RC3H2: variants seen among roughly 807,000 people sequenced by gnomAD.
RC3H2 encodes the protein roquin-2.
RC3H2 carries 31 observed loss-of-function variants against 133.3 expected under a neutral mutation model. The observed-to-expected ratio is 0.23, with a 90% CI of 0.17 to 0.31. RC3H2 has a LOEUF of 0.31. Ranked by LOEUF, RC3H2 falls within the 10% of genes least tolerant of loss-of-function variation. The pLI is 1.00. For synonymous variants in RC3H2, 517 were observed against 502.2 expected (o/e 1.03, Z -0.40); for missense variants, 1,175 against 1,437.2 (o/e 0.82, Z 2.95).
chr9:122,902,016 G>C (rs969927580), intron 1 of RC3H2, among the ~76,000 whole-genome samples: 1 of 145,870 alleles, frequency 6.9e-6, no homozygotes, highest in Non-Finnish European at 1.5e-5. Context: ...TGCAACCTCC[G>C]TCTCCCGGGT....
At chr9:122,901,043 C>T (rs561394875) in intron 1 of RC3H2, among the ~76,000 whole-genome samples, 1 of 152,318 alleles carries the variant, frequency 6.6e-6, no homozygotes, top group African/African-American at 2.4e-5. Flanking sequence ...CAGCTAAATA[C>T]TTTCATTTTC....
chr9:122,897,639 G>T, intron 1 of RC3H2, 63 bp from the exon 2 acceptor site: 1 of 1,161,958 alleles, frequency 8.6e-7, no homozygotes, highest in South Asian at 1.7e-5. Flanking sequence ...AGAGTTAATT[G>T]CTTAAGTCAA....
chr9:122,871,512 G>T lies in RC3H2; in HGVS notation c.1326-5855C>A, dbSNP rs142022595. On this transcript the variant is annotated intron_variant, in intron 9 of 20. Transcript: ENST00000357244. ...CGGGGTTTCACCGTGTTAGTGGGGGGGGGGGTTTCATCGTGTTAGCCAGGA... is the reference window on the plus strand; with the variant it reads ...CGGGGTTTCACCGTGTTAGTGGGGGTGGGGGTTTCATCGTGTTAGCCAGGA... Among the ~76,000 whole-genome samples, 855 of 151,184 alleles carry T rather than the reference G, an allele frequency of 5.7e-3. 18 individuals are homozygous for T. The highest frequency in any genetic ancestry group is 0.049 in the East Asian group (251 of 5,132).
At chr9:122,865,727 G>A in intron 9 of RC3H2, 70 bp from the exon 10 acceptor site, 2 of 1,330,796 alleles carry the variant, frequency 1.5e-6, no homozygotes, top group South Asian at 1.3e-5. Context: ...AAATGGCAAT[G>A]GGCAATGGGA....
chr9:122,866,358 C>T (rs954563484), intron 9 of RC3H2, among the ~76,000 whole-genome samples: 13 of 10,314 alleles, frequency 1.3e-3, no homozygotes, highest in Non-Finnish European at 3.6e-3. Flanking sequence ...AAAATGTCTC[C>T]CTCTCCCCCT....
intron 18 of RC3H2, among the ~76,000 whole-genome samples, chr9:122,851,946 G>A (rs1830040417): frequency 6.6e-6 from 1 of 151,898 alleles, no homozygotes; most frequent in African/African-American, 2.4e-5. Context: ...GAGCGTCTCT[G>A]CCTGGCCGCC....
At chr9:122,852,566 C>T (rs1211060067) in intron 18 of RC3H2, among the ~76,000 whole-genome samples, 4 of 148,926 alleles carry the variant, frequency 2.7e-5, no homozygotes, top group Admixed American at 6.6e-5. Context: ...CCAGCCGCCC[C>T]GTCCGGGAGG....
chr9:122,893,114 G>A (rs1588110465), intron 2 of RC3H2, 88 bp from the exon 3 acceptor site: 1 of 1,493,392 alleles, frequency 6.7e-7, no homozygotes, highest in East Asian at 2.3e-5. Flanking sequence ...TAATCTTGGT[G>A]AGTATAAAAT....
At chr9:122,887,340 T>C (rs1831961175) in intron 4 of RC3H2, among the ~76,000 whole-genome samples, 1 of 152,164 alleles carries the variant, frequency 6.6e-6, no homozygotes, top group Non-Finnish European at 1.5e-5. Context: ...CCCACTTACA[T>C]CTAGTAGGAG....
intron 2 of RC3H2, among the ~76,000 whole-genome samples, chr9:122,894,632 C>A (rs1832341738): frequency 6.6e-6 from 1 of 152,128 alleles, no homozygotes; most frequent in Non-Finnish European, 1.5e-5. Flanking sequence ...ATAATCCCAG[C>A]ACTTTGGGAG....
intron 9 of RC3H2, among the ~76,000 whole-genome samples, chr9:122,870,180 G>C (rs1323180431): frequency 6.6e-6 from 1 of 151,956 alleles, no homozygotes; most frequent in African/African-American, 2.4e-5. Flanking sequence ...TTCAAGACCA[G>C]CCTGGCCAAC....
chr9:122,888,806 A>G (rs2032226684), intron 4 of RC3H2, among the ~76,000 whole-genome samples: 1 of 152,164 alleles, frequency 6.6e-6, no homozygotes, highest in African/African-American at 2.4e-5. Flanking sequence ...TGCATTCTGT[A>G]CCTTCTGTTG....
chr9:122,902,305 T>G (rs1287470668), intron 1 of RC3H2, among the ~76,000 whole-genome samples: 1 of 152,220 alleles, frequency 6.6e-6, no homozygotes, highest in African/African-American at 2.4e-5. Flanking sequence ...AGAACTTACT[T>G]CTGCCTATCA....
At chr9:122,878,134 C>A (rs1207354806) in intron 8 of RC3H2, among the ~76,000 whole-genome samples, 1 of 151,946 alleles carries the variant, frequency 6.6e-6, no homozygotes, top group Non-Finnish European at 1.5e-5. Context: ...CTAAGACATT[C>A]TTATTCTTAT....
At chr9:122,853,821 TAA>T in intron 18 of RC3H2, 129 bp downstream of exon 18, 13 of 1,540,634 alleles carry the variant, frequency 8.4e-6, no homozygotes, top group Non-Finnish European at 9.7e-6. Flanking sequence ...ATTTCTGTTA[TAA>T]GTTTTAAAAG....
intron 1 of RC3H2, among the ~76,000 whole-genome samples, chr9:122,898,448 T>C (rs1208174966): frequency 6.6e-6 from 1 of 152,140 alleles, no homozygotes; most frequent in Admixed American, 6.5e-5. Context: ...TTTTTCTTAT[T>C]TCTGAGATCA....
chr9:122,850,390 C>T (rs1829974106), intron 20 of RC3H2, among the ~76,000 whole-genome samples: 1 of 151,192 alleles, frequency 6.6e-6, no homozygotes, highest in Non-Finnish European at 1.5e-5. Context: ...TTCAAAATGG[C>T]AGTATTATAG....
At chr9:122,898,747 C>T (rs1832526629) in intron 1 of RC3H2, among the ~76,000 whole-genome samples, 1 of 30,568 alleles carries the variant, frequency 3.3e-5, no homozygotes, top group Non-Finnish European at 7.1e-5. Context: ...GAAACTTAAT[C>T]TCAAAAAAAA....
At chr9:122,860,796 G>A (rs1290824085) in intron 10 of RC3H2, among the ~76,000 whole-genome samples, 1 of 151,634 alleles carries the variant, frequency 6.6e-6, no homozygotes, top group Admixed American at 6.6e-5. Context: ...GTTCTCAACC[G>A]AAAAAATATA....
Sources: gnomAD v4.1 joint callset for allele counts (sites outside exome capture counted in the v4.1 genomes callset) on GRCh38, gnomAD v4.1.1 for gene constraint, MANE v1.5 for transcripts, NCBI Gene and HGNC (gene_info 2026-07-23, HGNC 2026-07-21) for gene names.